The following MED14 variants were observed in gnomAD, a reference collection of about 807,000 sequenced individuals.
The protein encoded by MED14 is mediator complex subunit 14, also known as mediator of RNA polymerase II transcription subunit 14.
A neutral mutation model predicts 109.0 loss-of-function variants in MED14; 8 were observed. The ratio of observed to expected loss-of-function variants is 0.07; its 90% CI spans 0.04 to 0.13. The LOEUF (loss-of-function observed/expected upper bound fraction) is 0.13, where lower values mean the gene tolerates loss of function less well. Among genes scored for constraint, MED14 ranks in the 10% least tolerant of loss-of-function variants. The probability of loss-of-function intolerance (pLI) is 1.00; values close to 1 mark genes in which losing one functional copy is unlikely to be tolerated. For missense variants in MED14, 711 were observed against 1,142.4 expected (o/e 0.62, Z 5.44); for synonymous variants, 399 against 408.7 (o/e 0.98, Z 0.29).
intron 21 of MED14, among the ~76,000 whole-genome samples, chrX:40,677,610 T>C (rs1262686831): frequency 9.1e-6 from 1 of 110,176 alleles, no homozygotes; most frequent in Non-Finnish European, 1.9e-5. Flanking sequence ...AATAAAATAT[T>C]GGTAGAAATA....
At chrX:40,710,906 C>T (rs995439379) in intron 8 of MED14, among the ~76,000 whole-genome samples, 3 of 111,411 alleles carry the variant, frequency 2.7e-5, no homozygotes, top group Non-Finnish European at 5.7e-5. Context: ...CCAGGATTCC[C>T]GTCCCAATAC....
At chrX:40,664,246 A>T in intron 25 of MED14, 61 bp downstream of exon 25, 1 of 1,070,415 alleles carries the variant, frequency 9.3e-7, no homozygotes, top group South Asian at 2.1e-5. Context: ...GTGAGGATGC[A>T]ACAAGATAGG....
At position 40,659,298 on chromosome X, in the gene MED14, C is replaced by A; in HGVS notation, c.3901G>T (p.Ala1301Ser). The A allele has an allele frequency of 8.6e-7, 1 of 1,167,870 alleles. No individual in the cohort carries two copies. Among genetic ancestry groups the A allele is most frequent in the Non-Finnish European group, 1.1e-6 (1 of 872,165 alleles). ...GPPFKANTLI[A>S]FTKLLGAPTH... Reference sequence around the variant, plus strand: ...GGAGCTCCTAATAGCTTGGTGAAGGCTATTAACGTATTAGCTTTAAATGGT... The same window carrying A: ...GGAGCTCCTAATAGCTTGGTGAAGGATATTAACGTATTAGCTTTAAATGGT... Residue 1301 changes from alanine to serine, a missense_variant, in exon 28 of 31, where the codon GCC becomes TCC. Physicochemically the swap from Ala to Ser is moderately conservative, Grantham distance 99 (BLOSUM62 1). Around this residue, in one of 8 missense-constraint regions of MED14, gnomAD observed 54 missense variants for 129.6 expected, o/e 0.42. Transcript: ENST00000324817.
At position 40,672,254 on chromosome X, in the gene MED14, A is replaced by G. The variant is rs144087210; in HGVS notation, c.3022-282T>C. Among the ~76,000 whole-genome samples the G allele has an allele frequency of 2.5e-3, 282 of 112,498 alleles. 1 individual carries two copies. Among genetic ancestry groups the G allele is most frequent in the African/African-American group, 8.7e-3 (271 of 31,007 alleles). On this transcript the variant is annotated intron_variant, in intron 22 of 30. Coordinates refer to ENST00000324817, the MANE Select transcript of MED14 (RefSeq NM_004229.4). ...TTTTTGCTCATTTTCTATCTAGCAT[A>G]TAACCGATTTATCTCTATTATTTAT...
At position 40,735,405 on chromosome X, in the gene MED14, G is replaced by A; in HGVS notation, c.8C>T (p.Pro3Leu). MA[P>L]VQLENHQLVP... is the part of the protein sequence containing the mutation. ...CAGCTGGTGGTTCTCCAGCTGCACT[G>A]GGGCCATGGCGGCGCAGGACCGGGC... The change falls in exon 1 of 31, where the codon CCA becomes CTA. Residue 3 changes from proline (P) to leucine (L), a missense_variant. This residue lies in a region of MED14 where 62 missense variants were observed against 55.2 expected (regional missense o/e 1.12). Coordinates refer to ENST00000324817, the MANE Select transcript of MED14 (RefSeq NM_004229.4). 1 of 1,102,473 alleles carries A rather than the reference G, an allele frequency of 9.1e-7. No homozygotes were observed. 90.9% of individuals were successfully genotyped at this position (1,102,473 alleles called of 1,213,427 possible). A position where few individuals can be genotyped will look rare whatever the true frequency, so the allele number is the denominator to read the frequency against.
chrX:40,720,098 A>G (rs916249132), intron 3 of MED14, among the ~76,000 whole-genome samples: 1 of 112,348 alleles, frequency 8.9e-6, no homozygotes, highest in African/African-American at 3.2e-5. Context: ...TTCAGAAAAC[A>G]AAAATGCTGA....
At chrX:40,664,728 C>T (rs1377889774) in intron 24 of MED14, among the ~76,000 whole-genome samples, 1 of 111,894 alleles carries the variant, frequency 8.9e-6, no homozygotes, top group African/African-American at 3.3e-5. Flanking sequence ...AATTTACCTT[C>T]ACACAAGCTT....
Position 40,692,694 on chromosome X carries a change from A to G in MED14, c.1845+14T>C. 8.4e-7 allele frequency: 1 copy of G among 1,188,133 alleles called. No homozygotes were observed. The highest frequency in any genetic ancestry group is 1.1e-6 in the Non-Finnish European group (1 of 887,091). On this transcript the variant is annotated intron_variant, in intron 14 of 30. Transcript: ENST00000324817. Reference sequence around the variant, plus strand: ...ACACACAAATTCTGTGCTCATTTTCATATGGAATCATACCTTGCGCTTGGC... The same window carrying G: ...ACACACAAATTCTGTGCTCATTTTCGTATGGAATCATACCTTGCGCTTGGC...
intron 7 of MED14, among the ~76,000 whole-genome samples, chrX:40,711,517 T>C (rs1931335002): frequency 8.9e-6 from 1 of 112,158 alleles, no homozygotes; most frequent in Non-Finnish European, 1.9e-5. Flanking sequence ...TTTAAACCAA[T>C]ATAAAACCAT....
rs758209441 is a variant in MED14, at chrX:40,726,739, A to T, written c.348+7T>A. The T allele has an allele frequency of 8.5e-7, 1 of 1,178,732 alleles. No homozygotes were observed. Among genetic ancestry groups the T allele is most frequent in the Non-Finnish European group, 1.1e-6 (1 of 871,393 alleles). On this transcript the variant is annotated splice_region_variant and intron_variant, in intron 3 of 30. Coordinates refer to ENST00000324817, the MANE Select transcript of MED14 (RefSeq NM_004229.4). ...TTATACAAAGTAAAATAAAAAGTTT[A>T]ACTCACCGCACATTTTTCCACTTTG... is the stretch of plus-strand genomic sequence containing the variant.
At chrX:40,702,312 T>G (rs1168271313) in intron 11 of MED14, among the ~76,000 whole-genome samples, 4 of 110,938 alleles carry the variant, frequency 3.6e-5, no homozygotes, top group Non-Finnish European at 7.6e-5. Context: ...ATGTACTATG[T>G]TAATAATCAG....
Position 40,709,416 on chromosome X carries a change from T to C in MED14, c.1217A>G (p.His406Arg), listed in dbSNP as rs749289205. Reference sequence around the variant, plus strand: ...TTGGAGCTTCTGATGAGCTCTTGCATGGACACTGTCAATCAGGAGTTTTTC... The same window carrying C: ...TTGGAGCTTCTGATGAGCTCTTGCACGGACACTGTCAATCAGGAGTTTTTC... ...SIEKLLIDSVHARAHQKLQEL... is the reference protein window; with the variant it reads ...SIEKLLIDSVRARAHQKLQEL... Residue 406 changes from histidine (H) to arginine (R), a missense_variant, in exon 10 of 31, where the codon CAT becomes CGT. Transcript: ENST00000324817. 7 of 1,145,101 alleles carry C rather than the reference T, an allele frequency of 6.1e-6. No individual in the cohort carries two copies. Among genetic ancestry groups the C allele is most frequent in the Admixed American group, 2.3e-5 (1 of 42,915 alleles). The allele number at this position is 1,145,101 out of a possible 1,213,427, so 94.4% of individuals were successfully genotyped here.
At chrX:40,721,202 A>G (rs990675779) in intron 3 of MED14, among the ~76,000 whole-genome samples, 2 of 111,279 alleles carry the variant, frequency 1.8e-5, no homozygotes, top group Non-Finnish European at 1.9e-5. Flanking sequence ...TGGGGTCCCC[A>G]AGTCCAGGCC....
chrX:40,670,778 A>T (rs1342998835), intron 23 of MED14, among the ~76,000 whole-genome samples: 9 of 109,483 alleles, frequency 8.2e-5, no homozygotes, highest in Non-Finnish European at 5.7e-5. Flanking sequence ...AAAAAAAAAA[A>T]AAAATAAAAA....
intron 12 of MED14, among the ~76,000 whole-genome samples, chrX:40,698,499 TC>T (rs969691130): frequency 1.8e-5 from 2 of 112,561 alleles, no homozygotes; most frequent in Admixed American, 1.9e-4. Flanking sequence ...TCTATAATTT[TC>T]TTTTTTCCTA....
At chrX:40,728,795 T>C (rs1931979594) in intron 2 of MED14, among the ~76,000 whole-genome samples, 1 of 110,618 alleles carries the variant, frequency 9.0e-6, no homozygotes, top group African/African-American at 3.3e-5. Flanking sequence ...GCATCATTGT[T>C]GCAAGTGATA....
At chrX:40,711,590 A>T (rs1019771876) in intron 7 of MED14, among the ~76,000 whole-genome samples, 3 of 110,729 alleles carry the variant, frequency 2.7e-5, no homozygotes, top group Non-Finnish European at 5.7e-5. Context: ...AAATAGTACT[A>T]TTTTTTTCAC....
intron 2 of MED14, among the ~76,000 whole-genome samples, chrX:40,728,823 CTT>C (rs67780857): frequency 9.7e-6 from 1 of 103,460 alleles, no homozygotes. Flanking sequence ...AGCCAACTTT[CTT>C]TTTTTTTTTT....
rs1569284944 is a variant in MED14, at chrX:40,679,952, C to T, written c.2792G>A (p.Arg931Gln). 5.0e-6 allele frequency: 6 copies of T among 1,209,898 alleles called. No individual in the cohort carries two copies. Among genetic ancestry groups the T allele is most frequent in the Non-Finnish European group, 6.7e-6 (6 of 893,959 alleles). Residue 931 changes from arginine (R) to glutamine (Q), a missense_variant, in exon 21 of 31, where the codon CGA becomes CAA. Physicochemically the swap from Arg to Gln is conservative, Grantham distance 43. Coordinates refer to ENST00000324817, the MANE Select transcript of MED14 (RefSeq NM_004229.4). Reference sequence around the variant, plus strand: ...ACCATCCCGTATTGCCACAACACCTCGACTCCGGCAGTATATATCAATGCA... The same window carrying T: ...ACCATCCCGTATTGCCACAACACCTTGACTCCGGCAGTATATATCAATGCA... ...MYCIDIYCRS[R>Q]GVVAIRDGAY...
Sources: allele counts gnomAD v4.1 joint callset (sites outside exome capture counted in the v4.1 genomes callset), GRCh38; gene constraint gnomAD v4.1.1; regional missense constraint gnomAD v4.1.1; transcripts MANE v1.5; gene names NCBI Gene and HGNC (gene_info 2026-07-23, HGNC 2026-07-21).